The following BLVRA variants were observed in gnomAD, a reference collection of about 807,000 sequenced individuals.
BLVRA encodes biliverdin reductase A, also known as BVR A.
In BLVRA, 22 loss-of-function variants were observed where a neutral mutation model predicts 32.8. The observed-to-expected ratio is 0.67, with a 90% confidence interval of 0.48 to 0.96. The LOEUF (loss-of-function observed/expected upper bound fraction) is 0.96, where lower values mean the gene tolerates loss of function less well. Among genes scored for constraint, BLVRA ranks in the 40% least tolerant of loss-of-function variants. The probability of loss-of-function intolerance (pLI) is 0.00; values close to 1 mark genes in which losing one functional copy is unlikely to be tolerated. For synonymous variants in BLVRA, 119 were observed against 141.3 expected, an observed-to-expected ratio of 0.84 and a Z score of 1.12; for missense variants, 323 against 358.1, an observed-to-expected ratio of 0.90 and a Z score of 0.79.
intron 1 of BLVRA, chr7:43,764,330 T>C (rs1248699271): frequency 6.6e-6 from 1 of 152,212 alleles, no homozygotes; most frequent in East Asian, 1.9e-4. Context: ...AAAGTTCTGC[T>C]CTCAACCCTA....
At chr7:43,765,690 G>A (rs2095747067) in intron 1 of BLVRA, among the ~76,000 whole-genome samples, 3 of 152,088 alleles carry the variant, frequency 2.0e-5, no homozygotes, top group Admixed American at 2.0e-4. Flanking sequence ...TTTTAACTTG[G>A]TAAGATGTTC....
chr7:43,772,345 G>A (rs1322009799), intron 2 of BLVRA, among the ~76,000 whole-genome samples: 2 of 152,198 alleles, frequency 1.3e-5, no homozygotes, highest in Non-Finnish European at 2.9e-5. Context: ...TCAGGGGAGT[G>A]GGAGCCTTTA....
chr7:43,798,247 C>T (rs2095795015), intron 5 of BLVRA, among the ~76,000 whole-genome samples: 1 of 130,226 alleles, frequency 7.7e-6, no homozygotes, highest in South Asian at 2.8e-4. Context: ...CTGTTTTTCA[C>T]ATTGTGTTCT....
At chr7:43,776,367 A>T (rs1004228529) in intron 2 of BLVRA, among the ~76,000 whole-genome samples, 14 of 152,350 alleles carry the variant, frequency 9.2e-5, no homozygotes, top group Admixed American at 3.3e-4. Flanking sequence ...GTTTCAAAGA[A>T]CATCTTTATT....
intron 5 of BLVRA, among the ~76,000 whole-genome samples, chr7:43,793,399 C>G (rs1345333345): frequency 1.3e-5 from 2 of 151,860 alleles, no homozygotes; most frequent in African/African-American, 2.4e-5. Context: ...AACATGACTA[C>G]TAAGTGGGAG....
At position 43,797,284 on chromosome 7, in the gene BLVRA, C is replaced by T. The variant is rs777804124; in HGVS notation, c.353-3181C>T. Among the ~76,000 whole-genome samples the T allele has an allele frequency of 4.6e-5, 7 of 152,214 alleles. No homozygotes were observed. In the East Asian group the frequency reaches 9.6e-4, roughly 21 times the overall value. On this transcript the variant is annotated intron_variant, in intron 5 of 7. Transcript: ENST00000265523. ...TGTATTTTTAGCAGAGATGGGGTTT[C>T]GCCATGTTGGCCAGGCTGGTCTTGA...
chr7:43,763,503 A>G (rs67204349), intron 1 of BLVRA, among the ~76,000 whole-genome samples: 23,119 of 152,232 alleles, frequency 0.15, 2,210 homozygotes, highest in Non-Finnish European at 0.21. Context: ...AGGTTGGGGC[A>G]CGGGGGGCGC....
intron 1 of BLVRA, among the ~76,000 whole-genome samples, chr7:43,766,680 C>CG (rs2095748311): frequency 6.6e-6 from 1 of 150,814 alleles, no homozygotes; most frequent in Admixed American, 6.6e-5. Flanking sequence ...CCTCTCCTGA[C>CG]GGTGCATCTT....
At chr7:43,762,327 C>A (rs1405026671) in intron 1 of BLVRA, among the ~76,000 whole-genome samples, 1 of 151,822 alleles carries the variant, frequency 6.6e-6, no homozygotes, top group African/African-American at 2.4e-5. Flanking sequence ...CCCTTTTCCC[C>A]CCGAGTACAA....
rs557631383 is a variant in BLVRA at position 43,782,044 on chromosome 7, C to G, written c.13-5860C>G. ...TGAATTTCCATTGTGCTTTATGTAT[C>G]TTTTCTTTCGTTACCTTCCCCTCCT... On this transcript the variant is annotated intron_variant, in intron 2 of 7. Transcript: ENST00000265523. Among the ~76,000 whole-genome samples the G allele has an allele frequency of 5.9e-5, 9 of 152,342 alleles. No individual in the cohort carries two copies. In the South Asian group the frequency reaches 1.2e-3, roughly 21 times the overall value.
At chr7:43,763,855 C>G (rs759301779) in intron 1 of BLVRA, among the ~76,000 whole-genome samples, 24 of 152,188 alleles carry the variant, frequency 1.6e-4, no homozygotes, top group Non-Finnish European at 3.4e-4. Flanking sequence ...AAACCTCAGA[C>G]TTTGAAAAGG....
At chr7:43,758,227 G>T (rs1032442668), upstream of BLVRA, among the ~76,000 whole-genome samples, 3 of 152,132 alleles carry the variant, frequency 2.0e-5, no homozygotes, top group Non-Finnish European at 2.9e-5. Context: ...GTAAGCCTCG[G>T]CGCCAGTTCA....
intron 1 of BLVRA, among the ~76,000 whole-genome samples, chr7:43,762,044 TC>T (rs2095742858): frequency 1.3e-5 from 2 of 152,194 alleles, no homozygotes; most frequent in South Asian, 4.1e-4. Flanking sequence ...GGTCACCCTC[TC>T]CCTAATCCTT....
chr7:43,792,534 A>C (rs976750391), intron 4 of BLVRA, among the ~76,000 whole-genome samples, 181 bp from the exon 5 acceptor site: 1 of 152,242 alleles, frequency 6.6e-6, no homozygotes, highest in Non-Finnish European at 1.5e-5. Flanking sequence ...GGATAGTAGA[A>C]AACAATGTGG....
intron 1 of BLVRA, among the ~76,000 whole-genome samples, chr7:43,769,612 T>C (rs2095752160): frequency 6.6e-6 from 1 of 151,574 alleles, no homozygotes; most frequent in East Asian, 1.9e-4. Flanking sequence ...ATTTTCTTTT[T>C]TTTTTTTTCT....
At position 43,787,996 on chromosome 7, in the gene BLVRA, G is replaced by A. The variant is rs1802849; in HGVS notation, c.105G>A (p.Ala35=). The A allele has an allele frequency of 4.6e-3, 7,369 of 1,614,198 alleles. 33 individuals are homozygous for A. Among genetic ancestry groups the A allele is most frequent in the Non-Finnish European group, 4.7e-3 (5,557 of 1,180,048 alleles). The change falls in exon 3 of 8, where the codon GCG becomes GCA. Residue 35 remains alanine, a synonymous_variant. Coordinates refer to ENST00000265523, the MANE Select transcript of BLVRA (RefSeq NM_000712.4). The surrounding 1 kb of genome is among the most constrained non-coding windows in gnomAD (Gnocchi z 4.5). ...TGCGGAATCCACACCCTTCCTCAGCGTTCCTGAACCTGATTGGCTTCGTGT... is the reference window on the plus strand; with the variant it reads ...TGCGGAATCCACACCCTTCCTCAGCATTCCTGAACCTGATTGGCTTCGTGT... The part of the protein sequence containing the change: ...RDLRNPHPSS[A]FLNLIGFVSR...
At chr7:43,771,016 G>A (rs2095754090) in intron 1 of BLVRA, 122 bp from the exon 2 acceptor site, 2 of 867,792 alleles carry the variant, frequency 2.3e-6, no homozygotes, top group Admixed American at 1.8e-5. Context: ...GAAGGCATTT[G>A]GGAAACATGA....
intron 2 of BLVRA, among the ~76,000 whole-genome samples, chr7:43,776,070 G>A (rs536232669): frequency 5.2e-4 from 79 of 152,168 alleles, no homozygotes; most frequent in Middle Eastern, 3.4e-3. Flanking sequence ...TATCAATTTT[G>A]TTGATCTTTT....
At chr7:43,792,676 C>A in intron 4 of BLVRA, 39 bp from the exon 5 acceptor site, 1 of 1,552,444 alleles carries the variant, frequency 6.4e-7, no homozygotes, top group South Asian at 1.1e-5. Context: ...GAAGCTTATT[C>A]GAAGTGTTCT....
Sources: allele counts gnomAD v4.1 joint callset (sites outside exome capture counted in the v4.1 genomes callset), GRCh38; gene constraint gnomAD v4.1.1; non-coding constraint Gnocchi (gnomAD v3.1); transcripts MANE v1.5; gene names NCBI Gene and HGNC (gene_info 2026-07-23, HGNC 2026-07-21).